SCARB2: variants seen among roughly 807,000 people sequenced by gnomAD.
SCARB2 encodes the protein scavenger receptor class B member 2, also known as lysosome membrane protein 2.
SCARB2 carries 29 observed loss-of-function variants against 58.6 expected under a neutral mutation model. The ratio of observed to expected loss-of-function variants is 0.49; its 90% confidence interval spans 0.37 to 0.67. The LOEUF is 0.67. Among genes scored for constraint, SCARB2 ranks in the 30% least tolerant of loss-of-function variants. The pLI, the probability that SCARB2 is intolerant of heterozygous loss-of-function variation, is 0.00. For synonymous variants in SCARB2, 195 were observed against 210.1 expected (o/e 0.93, Z 0.62); for missense variants, 488 against 578.5 (o/e 0.84, Z 1.60).
intron 1 of SCARB2, among the ~76,000 whole-genome samples, chr4:76,209,871 A>C (rs1388881384): frequency 6.6e-6 from 1 of 152,190 alleles, no homozygotes; most frequent in Non-Finnish European, 1.5e-5. Context: ...ACAGTCTCCC[A>C]CTGGTTCCCT....
chr4:76,184,759 G>A, intron 2 of SCARB2: 1 of 374,844 alleles, frequency 2.7e-6, no homozygotes. Flanking sequence ...TCCAGCATGA[G>A]CAACAGAGCA....
intron 2 of SCARB2, among the ~76,000 whole-genome samples, chr4:76,191,135 T>C (rs775923284): frequency 2.0e-5 from 3 of 152,182 alleles, no homozygotes; most frequent in Non-Finnish European, 4.4e-5. Context: ...AACTTCTAAT[T>C]ATTGCCAGTG....
chr4:76,184,402 G>A (rs895048057), intron 2 of SCARB2, among the ~76,000 whole-genome samples: 3 of 152,168 alleles, frequency 2.0e-5, no homozygotes, highest in Non-Finnish European at 2.9e-5. Flanking sequence ...AGACACTTCC[G>A]TGTTAAACCA....
At chr4:76,213,328 C>T (rs1733102669) in intron 1 of SCARB2, 99 bp downstream of exon 1, 3 of 831,614 alleles carry the variant, frequency 3.6e-6, no homozygotes, top group Non-Finnish European at 6.1e-6. Context: ...CGCGGAGGGT[C>T]TGCCTGAGTG....
At chr4:76,232,130 A>T (rs1246649547) in intron 1 of SCARB2, among the ~76,000 whole-genome samples, 1 of 152,250 alleles carries the variant, frequency 6.6e-6, no homozygotes, top group Non-Finnish European at 1.5e-5. Context: ...ACAGAAGTAT[A>T]CCTTGCTTAA....
chr4:76,208,712 G>A (rs1252562967), intron 1 of SCARB2, among the ~76,000 whole-genome samples: 1 of 152,154 alleles, frequency 6.6e-6, no homozygotes, highest in East Asian at 1.9e-4. Flanking sequence ...TGATTTCTAT[G>A]AGCTTCCCCT....
chr4:76,208,346 T>C (rs150965216), intron 1 of SCARB2, among the ~76,000 whole-genome samples: 7 of 152,352 alleles, frequency 4.6e-5, no homozygotes, highest in African/African-American at 1.2e-4. Context: ...AGGAAAGAAT[T>C]TGGATAATTT....
chr4:76,197,320 A>G (rs1162758820), intron 1 of SCARB2, among the ~76,000 whole-genome samples: 1 of 152,228 alleles, frequency 6.6e-6, no homozygotes, highest in Non-Finnish European at 1.5e-5. Context: ...CAATGTATCA[A>G]TTTGGAGCTA....
At chr4:76,195,520 T>G in intron 2 of SCARB2, 187 bp downstream of exon 2, 1 of 601,016 alleles carries the variant, frequency 1.7e-6, no homozygotes, top group Non-Finnish European at 3.0e-6. Context: ...CTTGGCCCAG[T>G]CTACAAAGCC....
At chr4:76,229,515 C>A (rs956230052) in intron 1 of SCARB2, among the ~76,000 whole-genome samples, 1 of 152,176 alleles carries the variant, frequency 6.6e-6, no homozygotes, top group African/African-American at 2.4e-5. Context: ...TGTTCAGATT[C>A]TTTTGTCCTA....
chr4:76,217,574 C>T (rs1176257301), upstream of SCARB2: 3 of 519,750 alleles, frequency 5.8e-6, no homozygotes, highest in East Asian at 6.2e-5. Context: ...TTTCTGCCTT[C>T]CCAGGAGTGG....
chr4:76,213,583 C>G lies in SCARB2; in HGVS notation c.-40G>C, dbSNP rs1196026732. The G allele has an allele frequency of 6.4e-7, 1 of 1,558,878 alleles. No individual in the cohort carries two copies. Among genetic ancestry groups the G allele is most frequent in the Non-Finnish European group, 8.8e-7 (1 of 1,134,688 alleles). On this transcript the variant is annotated 5_prime_UTR_variant, in exon 1 of 12. Coordinates refer to ENST00000264896, the MANE Select transcript of SCARB2 (RefSeq NM_005506.4). Reference sequence around the variant, plus strand: ...ACGGGCCGGGCCGGGCCGCACCCGCCAGGGATCCAACTGCAAGGAGGGAGG... The same window carrying G: ...ACGGGCCGGGCCGGGCCGCACCCGCGAGGGATCCAACTGCAAGGAGGGAGG...
chr4:76,216,083 C>T (rs552322875), upstream of SCARB2, among the ~76,000 whole-genome samples: 1 of 152,200 alleles, frequency 6.6e-6, no homozygotes, highest in South Asian at 2.1e-4. Context: ...TTCAACTGTC[C>T]CCAGCCTGAT....
chr4:76,170,966 ATATAT>A (rs1480814478), intron 7 of SCARB2, among the ~76,000 whole-genome samples: 1,422 of 136,232 alleles, frequency 0.01, 22 homozygotes, highest in African/African-American at 0.036. Flanking sequence ...ATATATATAT[ATATAT>A]AACCAAATAG....
At chr4:76,197,415 G>A (rs1199661346) in intron 1 of SCARB2, among the ~76,000 whole-genome samples, 1 of 152,106 alleles carries the variant, frequency 6.6e-6, no homozygotes, top group African/African-American at 2.4e-5. Context: ...ACAGGTAGCT[G>A]CTGATCCTTC....
At chr4:76,218,114 T>G (rs925030420), upstream of SCARB2, among the ~76,000 whole-genome samples, 7 of 152,208 alleles carry the variant, frequency 4.6e-5, no homozygotes, top group Non-Finnish European at 8.8e-5. Flanking sequence ...AATCACTTGA[T>G]CCCAGGAGTT....
chr4:76,218,900 G>A (rs1733261119), intron 1 of SCARB2, among the ~76,000 whole-genome samples: 1 of 152,166 alleles, frequency 6.6e-6, no homozygotes, highest in African/African-American at 2.4e-5. Flanking sequence ...CACTATGCTA[G>A]ACAGTGGGCT....
At chr4:76,168,268 G>T in intron 9 of SCARB2, 135 bp downstream of exon 9, 1 of 760,330 alleles carries the variant, frequency 1.3e-6, no homozygotes. Context: ...TGAAAATGCT[G>T]ATCATGCCCC....
chr4:76,162,977 G>A (rs1396987463), intron 11 of SCARB2: 8 of 606,364 alleles, frequency 1.3e-5, no homozygotes, highest in Middle Eastern at 4.3e-4. Context: ...TTAACTCCCA[G>A]GGGATACATC....
Sources: allele counts gnomAD v4.1 joint callset (sites outside exome capture counted in the v4.1 genomes callset), GRCh38; gene constraint gnomAD v4.1.1; transcripts MANE v1.5; gene names NCBI Gene and HGNC (gene_info 2026-07-23, HGNC 2026-07-21).